The following CDC42SE2 variants were observed in gnomAD, a reference collection of about 807,000 sequenced individuals.
The protein encoded by CDC42SE2 is CDC42 small effector protein 2.
CDC42SE2 carries 3 observed loss-of-function variants against 11.5 expected under a neutral mutation model. That is an observed-to-expected ratio of 0.26 (90% CI 0.12 to 0.67). The LOEUF (loss-of-function observed/expected upper bound fraction) is 0.67. Ranked by LOEUF, CDC42SE2 falls within the 30% of genes least tolerant of loss-of-function variation. The probability of loss-of-function intolerance (pLI) is 0.80; values close to 1 mark genes in which losing one functional copy is unlikely to be tolerated. For missense variants in CDC42SE2, 82 were observed against 106.8 expected (o/e 0.77, Z 1.02); for synonymous variants, 33 against 34.8 (o/e 0.95, Z 0.18).
chr5:131,291,448 T>C (rs1450276707), intron 1 of CDC42SE2, among the ~76,000 whole-genome samples: 8 of 152,178 alleles, frequency 5.3e-5, no homozygotes, highest in African/African-American at 1.9e-4. Context: ...ACTACGTTTT[T>C]GAAGGATTTG....
chr5:131,223,267 C>A, the CDC42SE2 span, among the ~76,000 whole-genome samples: 1 of 152,144 alleles, frequency 6.6e-6, no homozygotes, highest in African/African-American at 2.4e-5. Context: ...AGGAATGCCC[C>A]TTATCTGGCT....
Position 131,393,762 on chromosome 5 carries a change from G to A in CDC42SE2, c.*2671G>A, listed in dbSNP as rs1238458614. On this transcript the variant is annotated 3_prime_UTR_variant, in exon 5 of 5. Transcript: ENST00000505065. Reference sequence around the variant, plus strand: ...CATATAACTCCTGGAACAATAGTACGGGAAGCCGTGATCCTTTTCCCTGAC... The same window carrying A: ...CATATAACTCCTGGAACAATAGTACAGGAAGCCGTGATCCTTTTCCCTGAC... The A allele has an allele frequency of 4.6e-5, 7 of 151,738 alleles. No individual in the cohort carries two copies. Among genetic ancestry groups the A allele is most frequent in the East Asian group, 1.9e-4 (1 of 5,326 alleles). 9.4% of individuals were successfully genotyped at this position (151,738 alleles called of 1,614,324 possible).
chr5:131,234,346 T>C, the CDC42SE2 span, among the ~76,000 whole-genome samples: 2 of 152,012 alleles, frequency 1.3e-5, no homozygotes, highest in African/African-American at 4.8e-5. Context: ...AATACATAGA[T>C]AGATAGATAG....
At chr5:131,297,808 A>AT (rs1353710141) in intron 1 of CDC42SE2, among the ~76,000 whole-genome samples, 1 of 151,938 alleles carries the variant, frequency 6.6e-6, no homozygotes, top group African/African-American at 2.4e-5. Flanking sequence ...TTTTGATGTC[A>AT]TTTTACCCTT....
chr5:131,247,640 A>ATTAT (rs1225556319), intron 1 of CDC42SE2, among the ~76,000 whole-genome samples: 5 of 152,062 alleles, frequency 3.3e-5, no homozygotes, highest in African/African-American at 9.7e-5. Context: ...ATGTAAAACA[A>ATTAT]TTATTTATTT....
At chr5:131,272,300 C>T (rs905513073) in intron 1 of CDC42SE2, among the ~76,000 whole-genome samples, 1 of 152,012 alleles carries the variant, frequency 6.6e-6, no homozygotes, top group African/African-American at 2.4e-5. Flanking sequence ...AGATTACAAG[C>T]GTGAGCCACT....
intron 1 of CDC42SE2, among the ~76,000 whole-genome samples, chr5:131,286,870 G>A (rs529920769): frequency 6.6e-6 from 1 of 151,968 alleles, no homozygotes; most frequent in Non-Finnish European, 1.5e-5. Context: ...CTGGTCAGCA[G>A]TAGGCTATTA....
intron 2 of CDC42SE2, among the ~76,000 whole-genome samples, chr5:131,356,018 G>A (rs780422979): frequency 2.2e-4 from 33 of 152,196 alleles, no homozygotes; most frequent in African/African-American, 8.0e-4. Context: ...CACTAGCTAA[G>A]TCGCCTTGGA....
chr5:131,215,074 A>C, the CDC42SE2 span, among the ~76,000 whole-genome samples: 3 of 152,222 alleles, frequency 2.0e-5, no homozygotes, highest in African/African-American at 7.2e-5. Flanking sequence ...TGACAAATCC[A>C]TTCAAAAAGA....
chr5:131,312,336 G>A (rs1214246520), intron 1 of CDC42SE2, among the ~76,000 whole-genome samples: 1 of 152,156 alleles, frequency 6.6e-6, no homozygotes, highest in East Asian at 1.9e-4. Context: ...GAGTGCCAGT[G>A]CTCTCTTCAA....
At chr5:131,362,365 G>A (rs550720705) in intron 3 of CDC42SE2, among the ~76,000 whole-genome samples, 19 of 152,284 alleles carry the variant, frequency 1.2e-4, no homozygotes, top group African/African-American at 3.6e-4. Flanking sequence ...CCATAATGGA[G>A]GAATAGCTTG....
At chr5:131,344,395 C>G (rs1054488605) in intron 2 of CDC42SE2, among the ~76,000 whole-genome samples, 1 of 152,224 alleles carries the variant, frequency 6.6e-6, no homozygotes, top group Non-Finnish European at 1.5e-5. Context: ...CGGAGCCTCG[C>G]TCACTGCTAG....
chr5:131,313,073 C>T (rs1031071386), intron 1 of CDC42SE2, among the ~76,000 whole-genome samples: 2 of 151,970 alleles, frequency 1.3e-5, no homozygotes, highest in Non-Finnish European at 2.9e-5. Flanking sequence ...AGCTCTGCCT[C>T]CCGGGTTCAC....
Position 131,375,207 on chromosome 5 carries a change from T to C in CDC42SE2, c.55-10336T>C, listed in dbSNP as rs543135262. On this transcript the variant is annotated intron_variant, in intron 3 of 4. Coordinates refer to ENST00000505065, the MANE Select transcript of CDC42SE2 (RefSeq NM_001375635.1). ...ATTTTGCTTTTAGCAATTTGGCCCT[T>C]GAAAAGGTCACTATAGATTTGCTTA... Among the ~76,000 whole-genome samples, 14 of 151,532 alleles carry C rather than the reference T, an allele frequency of 9.2e-5. No homozygotes were observed. The South Asian group carries it at 2.9e-3, about 32-fold the overall frequency.
intron 3 of CDC42SE2, among the ~76,000 whole-genome samples, chr5:131,359,776 G>A (rs1749655411): frequency 6.6e-6 from 1 of 152,196 alleles, no homozygotes; most frequent in Non-Finnish European, 1.5e-5. Context: ...TGACTGAGAG[G>A]AGGTGTTCTT....
intron 1 of CDC42SE2, among the ~76,000 whole-genome samples, chr5:131,283,452 A>G (rs1005646981): frequency 2.0e-5 from 3 of 151,978 alleles, no homozygotes; most frequent in African/African-American, 4.8e-5. Flanking sequence ...CATTTAGCAT[A>G]ATGTTTCAAG....
At chr5:131,312,761 C>T (rs6596011) in intron 1 of CDC42SE2, among the ~76,000 whole-genome samples, 67,423 of 151,878 alleles carry the variant, frequency 0.44, 17,742 homozygotes, top group Non-Finnish European at 0.6. Flanking sequence ...TGACCCCTTG[C>T]ACTTCCCGAG....
chr5:131,255,500 C>T (rs375684613), intron 2 of CDC42SE2: 15 of 152,294 alleles, frequency 9.8e-5, no homozygotes, highest in African/African-American at 3.4e-4. Context: ...CGCAGTGGCT[C>T]ATGCCCGTAA....
At chr5:131,299,156 T>C (rs1293129097) in intron 1 of CDC42SE2, among the ~76,000 whole-genome samples, 1 of 152,154 alleles carries the variant, frequency 6.6e-6, no homozygotes, top group Non-Finnish European at 1.5e-5. Flanking sequence ...GACCAAATGG[T>C]AAAGGCCCTG....
Sources: allele counts gnomAD v4.1 joint callset (sites outside exome capture counted in the v4.1 genomes callset), GRCh38; gene constraint gnomAD v4.1.1; transcripts MANE v1.5; gene names NCBI Gene and HGNC (gene_info 2026-07-23, HGNC 2026-07-21).